The following SH3TC1 variants were observed in gnomAD, a reference collection of about 807,000 sequenced individuals.
The protein encoded by SH3TC1 is SH3 domain and tetratricopeptide repeat-containing protein 1.
SH3TC1 carries 135 observed loss-of-function variants against 117.3 expected under a neutral mutation model. The observed-to-expected ratio is 1.15, with a 90% CI of 1.00 to 1.33. The LOEUF is 1.33. SH3TC1 is among the 40% of genes most tolerant of loss of function. SH3TC1 has a pLI of 0.00. For synonymous variants in SH3TC1, 898 were observed against 816.9 expected (o/e 1.10, Z -1.69); for missense variants, 2,092 against 1,794.3 (o/e 1.17, Z -3.00).
At position 8,205,905 on chromosome 4, in the gene SH3TC1, C is replaced by T. The variant is rs1718165075; in HGVS notation, c.172+539C>T. 7.5e-6 allele frequency: 4 copies of T among 532,538 alleles called. No individual in the cohort carries two copies. The highest frequency in any genetic ancestry group is 5.4e-5 in the South Asian group (2 of 37,212). The allele number at this position is 532,538 out of a possible 1,614,324, so 33.0% of individuals were successfully genotyped here. On this transcript the variant is annotated intron_variant, in intron 2 of 17. Coordinates refer to ENST00000245105, the MANE Select transcript of SH3TC1 (RefSeq NM_018986.5). The surrounding 1 kb of genome is among the most constrained non-coding windows in gnomAD (Gnocchi z 5.4). ...CCCCATCCTGAGACCCTGAAGGGGA[C>T]GAGGGGAGAGGCAGGGGAGACCAAG...
At chr4:8,207,511 T>C (rs998823778) in intron 2 of SH3TC1, among the ~76,000 whole-genome samples, 8 of 152,202 alleles carry the variant, frequency 5.3e-5, no homozygotes, top group Admixed American at 4.6e-4. Context: ...AAATAATCCT[T>C]GCGACAGAGG....
Position 8,219,342 on chromosome 4 carries a change from C to T in SH3TC1, c.924C>T (p.Gly308=). 6.3e-7 allele frequency: 1 copy of T among 1,589,770 alleles called. No homozygotes were observed. Among genetic ancestry groups the T allele is most frequent in the Non-Finnish European group, 8.6e-7 (1 of 1,164,264 alleles). The part of the protein sequence containing the change: ...VMPGNPLMAV[G]LASALADFQG... ...TGTGGCTTTCTTCCGCAGCTGTGGG[C>T]CTGGCCTCGGCATTGGCAGACTTCC... Residue 308 remains glycine (G), a synonymous_variant, in exon 9 of 18, where the codon GGC becomes GGT. Coordinates refer to ENST00000245105, the MANE Select transcript of SH3TC1 (RefSeq NM_018986.5).
At chr4:8,212,949 C>T in intron 4 of SH3TC1, 121 bp downstream of exon 4, 1 of 1,348,162 alleles carries the variant, frequency 7.4e-7, no homozygotes, top group Non-Finnish European at 9.9e-7. Context: ...GAGAGCCACT[C>T]AGGACAGTGG....
rs1718216503 is a variant in SH3TC1 at position 8,206,445 on chromosome 4, GGC to G, written c.172+1080_172+1081del. ...ACAAGGAGACTGAGACGCGCAGGAG[GGC>G]CCTGGCCAGCCTCCCACAGAGCCGC... On this transcript the variant is annotated intron_variant, in intron 2 of 17. Coordinates refer to ENST00000245105, the MANE Select transcript of SH3TC1 (RefSeq NM_018986.5). This position sits in a 1 kb window ranked among gnomAD's most constrained non-coding sequence, Gnocchi z 5.5. 6.6e-6 allele frequency among the ~76,000 whole-genome samples: 1 copy of G among 152,114 alleles called. No individual in the cohort carries two copies. The highest frequency in any genetic ancestry group is 1.5e-5 in the Non-Finnish European group (1 of 68,014).
rs1717239252 is a variant in SH3TC1, at chr4:8,186,963, G to A, written c.-57+4753G>A. On this transcript the variant is annotated intron_variant, in intron 1 of 16. Transcript: ENST00000508641. The surrounding 1 kb of genome is among the most constrained non-coding windows in gnomAD (Gnocchi z 5.2). The stretch of plus-strand genomic sequence containing the variant: ...CGTCTCAAAAAAAAAAAAAAAAAAG[G>A]ACATGCTCCTGTAGGCACATTGCTG... Among the ~76,000 whole-genome samples, 1 of 149,254 alleles carries A rather than the reference G, an allele frequency of 6.7e-6. No homozygotes were observed. The highest frequency in any genetic ancestry group is 1.5e-5 in the Non-Finnish European group (1 of 67,442).
At chr4:8,235,720 C>T (rs971387282) in intron 15 of SH3TC1, 165 bp downstream of exon 15, 43 of 982,308 alleles carry the variant, frequency 4.4e-5, no homozygotes, top group African/African-American at 6.6e-5. Flanking sequence ...CTGTGCCCCC[C>T]GCCCGGGACA....
rs780255874 is a variant in SH3TC1 at position 8,227,552 on chromosome 4, T to C, written c.1858T>C (p.Cys620Arg). The stretch of plus-strand genomic sequence containing the variant: ...CCGGAAGCAGAAGAACCGGGAGAAG[T>C]GTGCACAGGTGGTGCCCAAAGCCAT... ...IYRKQKNREKCAQVVPKAMAL... is the reference protein window; with the variant it reads ...IYRKQKNREKRAQVVPKAMAL... The change falls in exon 12 of 18, where the codon TGT becomes CGT. Residue 620 changes from cysteine to arginine, a missense_variant. Coordinates refer to ENST00000245105, the MANE Select transcript of SH3TC1 (RefSeq NM_018986.5). 3.3e-6 allele frequency: 5 copies of C among 1,524,284 alleles called. No homozygotes were observed. The African/African-American group carries it at 5.6e-5, about 17-fold the overall frequency. 94.4% of individuals were successfully genotyped at this position (1,524,284 alleles called of 1,614,324 possible). A position where few individuals can be genotyped will look rare whatever the true frequency, so the allele number is the denominator to read the frequency against.
At chr4:8,184,332 A>G (rs534022215) in intron 1 of SH3TC1, among the ~76,000 whole-genome samples, 1 of 152,340 alleles carries the variant, frequency 6.6e-6, no homozygotes, top group Admixed American at 6.5e-5. Flanking sequence ...TCCAGTCTAC[A>G]TGTACGGAAG....
chr4:8,234,474 CCCAT>C (rs750828386), intron 14 of SH3TC1, among the ~76,000 whole-genome samples: 14 of 100,908 alleles, frequency 1.4e-4, no homozygotes, highest in African/African-American at 3.5e-4. Context: ...CATCATTCAA[CCCAT>C]CCATCCATCC....
rs1720593199 is a variant in SH3TC1 at position 8,227,478 on chromosome 4, G to C, written c.1784G>C (p.Gly595Ala). 1 of 1,565,946 alleles carries C rather than the reference G, an allele frequency of 6.4e-7. No homozygotes were observed. The highest frequency in any genetic ancestry group is 1.4e-5 in the African/African-American group (1 of 72,898). The change falls in exon 12 of 18, where the codon GGG becomes GCG. Residue 595 changes from glycine to alanine, a missense_variant. Transcript: ENST00000245105. ...CTGGGGGCCCTGGAGGGCAGCTTCGGGGACCTGTTCCTAGTGGTGGCTGTG... is the reference window on the plus strand; with the variant it reads ...CTGGGGGCCCTGGAGGGCAGCTTCGCGGACCTGTTCCTAGTGGTGGCTGTG... ...EALGALEGSF[G>A]DLFLVVAVYA...
At chr4:8,233,824 C>T (rs1721493001) in intron 14 of SH3TC1, among the ~76,000 whole-genome samples, 1 of 151,304 alleles carries the variant, frequency 6.6e-6, no homozygotes, top group Admixed American at 6.6e-5. Flanking sequence ...CATCATCCGT[C>T]CATCCATCCA....
upstream of SH3TC1, among the ~76,000 whole-genome samples, chr4:8,197,450 C>T (rs192400462): frequency 4.5e-4 from 68 of 152,338 alleles, no homozygotes; most frequent in Non-Finnish European, 7.9e-4. Context: ...CAGACGCAGC[C>T]GGGGCTGGGG....
chr4:8,232,600 C>A, intron 13 of SH3TC1: 2 of 1,345,934 alleles, frequency 1.5e-6, no homozygotes, highest in Non-Finnish European at 2.0e-6. Context: ...CACCTGCTTC[C>A]CTGGGGCAGG....
At chr4:8,194,522 GGTGGCTT>G (rs1222880453), upstream of SH3TC1, among the ~76,000 whole-genome samples, 1 of 152,172 alleles carries the variant, frequency 6.6e-6, no homozygotes, top group Non-Finnish European at 1.5e-5. Context: ...CTCTGGTCAG[GGTGGCTT>G]GTTTTGTTTT....
Position 8,227,358 on chromosome 4 carries a change from T to A in SH3TC1, c.1664T>A (p.Leu555His), listed in dbSNP as rs1416829695. 5 of 1,591,868 alleles carry A rather than the reference T, an allele frequency of 3.1e-6. No homozygotes were observed. The African/African-American group carries it at 5.4e-5, about 17-fold the overall frequency. ...CGGGGGGCGGCCAAGAAAGCTGGCC[T>A]CCTCATGGCCCTGGCCAGGCTCTGC... ...QARGAAKKAG[L>H]LMALARLCFL... The change falls in exon 12 of 18, where the codon CTC (leucine) becomes CAC (histidine). Residue 555 changes from leucine to histidine, a missense_variant. Physicochemically the swap from Leu to His is moderately conservative, Grantham distance 99. Transcript: ENST00000245105.
chr4:8,230,886 T>G (rs1721134542), intron 12 of SH3TC1, among the ~76,000 whole-genome samples: 3 of 151,530 alleles, frequency 2.0e-5, no homozygotes, highest in Non-Finnish European at 4.4e-5. Context: ...TTCAAGCCAT[T>G]CTCCTGCCTC....
rs556972703 is a variant in SH3TC1, at chr4:8,218,159, C to T, written c.840-112C>T. The T allele has an allele frequency of 9.2e-5, 60 of 650,918 alleles. No individual in the cohort carries two copies. The Middle Eastern group carries it at 3.4e-3, about 36-fold the overall frequency. The allele number at this position is 650,918 out of a possible 1,614,324, so 40.3% of individuals were successfully genotyped here. A position where few individuals can be genotyped will look rare whatever the true frequency, so the allele number is the denominator to read the frequency against. On this transcript the variant is annotated intron_variant, in intron 7 of 17. Transcript: ENST00000245105. ...GTGCACGTGTGTGTGTTGGGGGAGG[C>T]GAGGGACCTGCTCAGGTTGCTGGGG...
Position 8,192,164 on chromosome 4 carries a change from A to AT in SH3TC1, c.-57+9963dup, listed in dbSNP as rs575331055. On this transcript the variant is annotated intron_variant, in intron 1 of 16. Coordinates refer to the SH3TC1 transcript ENST00000508641. The surrounding 1 kb of genome is among the most constrained non-coding windows in gnomAD (Gnocchi z 4.1). ...GCCACCACACTCAGCTAATTTTTGT[A>AT]TTTTTTTTTATTAGAGATGGGATTT... Among the ~76,000 whole-genome samples the AT allele has an allele frequency of 0.025, 3,791 of 150,320 alleles. 98 individuals carry two copies. The highest frequency in any genetic ancestry group is 0.071 in the African/African-American group (2,919 of 40,940).
At position 8,225,786 on chromosome 4, in the gene SH3TC1, T is replaced by A. The variant is rs1223843082; in HGVS notation, c.1285+570T>A. On this transcript the variant is annotated intron_variant, in intron 11 of 17. Transcript: ENST00000245105. This position sits in a 1 kb window ranked among gnomAD's most constrained non-coding sequence, Gnocchi z 5.5. Reference sequence around the variant, plus strand: ...AGAGCCCTCGGAAGTTCCCTGGGAATGGGATCCATTCCAGTACATTTGGGA... The same window carrying A: ...AGAGCCCTCGGAAGTTCCCTGGGAAAGGGATCCATTCCAGTACATTTGGGA... 1.3e-5 allele frequency among the ~76,000 whole-genome samples: 2 copies of A among 152,110 alleles called. No individual in the cohort carries two copies.
Sources: gnomAD v4.1 joint callset for allele counts (sites outside exome capture counted in the v4.1 genomes callset) on GRCh38, gnomAD v4.1.1 for gene constraint, Gnocchi (gnomAD v3.1) non-coding constraint, MANE v1.5 for transcripts, NCBI Gene and HGNC (gene_info 2026-07-23, HGNC 2026-07-21) for gene names.